Variants in SAFB2 observed in about 807,000 individuals in gnomAD.
SAFB2 encodes the protein scaffold attachment factor B2.
In SAFB2, 32 loss-of-function variants were observed where a neutral mutation model predicts 100.6. The ratio of observed to expected loss-of-function variants is 0.32; its 90% CI spans 0.24 to 0.43. The LOEUF (loss-of-function observed/expected upper bound fraction) is 0.43, where lower values mean the gene tolerates loss of function less well. Ranked by LOEUF, SAFB2 falls within the 20% of genes least tolerant of loss-of-function variation. SAFB2 has a pLI of 1.00. For missense variants in SAFB2, 1,185 were observed against 1,163.4 expected (o/e 1.02, Z -0.27); for synonymous variants, 500 against 439.4 (o/e 1.14, Z -1.72).
intron 2 of SAFB2, among the ~76,000 whole-genome samples, chr19:5,617,746 A>G (rs2053062766): frequency 6.6e-6 from 1 of 152,144 alleles, no homozygotes. Flanking sequence ...TTCGGCCCAA[A>G]TTGTCAACAG....
chr19:5,601,711 AAAATAAATAAAT>A (rs10647558), intron 11 of SAFB2, among the ~76,000 whole-genome samples: 13 of 144,748 alleles, frequency 9.0e-5, no homozygotes, highest in Admixed American at 2.1e-4. Context: ...ACTCCATCTC[AAAATAAATAAAT>A]AAATAAATAA....
intron 2 of SAFB2, among the ~76,000 whole-genome samples, chr19:5,620,823 G>A (rs2053124752): frequency 6.6e-6 from 1 of 152,196 alleles, no homozygotes. Context: ...TTAACGGTCT[G>A]TGAATTAAAC....
intron 13 of SAFB2, among the ~76,000 whole-genome samples, chr19:5,596,369 T>C (rs1010716364): frequency 1.3e-5 from 2 of 152,246 alleles, no homozygotes; most frequent in African/African-American, 4.8e-5. Flanking sequence ...TGTAGGTTTT[T>C]TGGGTTTGAG....
rs376341022 is a variant in SAFB2, at chr19:5,604,768, T to C, written c.1446+19A>G. On this transcript the variant is annotated intron_variant, in intron 10 of 20. Transcript: ENST00000252542. ...TGCAAACTCCATTTGCGAGTTACCA[T>C]AGACGAGAACTGCCTCACCTTCTCT... 40 of 1,613,840 alleles carry C rather than the reference T, an allele frequency of 2.5e-5. No individual in the cohort carries two copies. The African/African-American group carries it at 2.8e-4, about 11-fold the overall frequency.
Position 5,598,858 on chromosome 19 carries a change from C to T in SAFB2, c.1717G>A (p.Val573Met), listed in dbSNP as rs562526033. The change falls in exon 13 of 21, where the codon GTG becomes ATG. Residue 573 changes from valine (V) to methionine (M), a missense_variant. Val to Met is a conservative substitution (Grantham distance 21). Transcript: ENST00000252542. ...SGSRGMERTV[V>M]MDKSKGEPVI... ...GGCTCTCCTTTCGATTTATCCATCACGACCGTCCGCTCCATTCCTCTGCTT... is the reference window on the plus strand; with the variant it reads ...GGCTCTCCTTTCGATTTATCCATCATGACCGTCCGCTCCATTCCTCTGCTT... 7.2e-5 allele frequency: 117 copies of T among 1,613,970 alleles called. No homozygotes were observed. Among genetic ancestry groups the T allele is most frequent in the Non-Finnish European group, 8.1e-5 (95 of 1,180,028 alleles).
chr19:5,591,733 C>T lies in SAFB2; in HGVS notation c.2394+15G>A, dbSNP rs773000697. On this transcript the variant is annotated intron_variant, in intron 17 of 20. Transcript: ENST00000252542. ...GTACAGTGGCCCCAGGGCTTGGCAT[C>T]GGGGCTCTACTCACCTGCCCATCCC... 59 of 1,612,388 alleles carry T rather than the reference C, an allele frequency of 3.7e-5. No homozygotes were observed. Among genetic ancestry groups the T allele is most frequent in the Non-Finnish European group, 4.6e-5 (54 of 1,178,722 alleles).
In SAFB2 at chr19:5,591,811, C is replaced by T; in HGVS notation, c.2349-18G>A. On this transcript the variant is annotated intron_variant, in intron 16 of 20. Coordinates refer to ENST00000252542, the MANE Select transcript of SAFB2 (RefSeq NM_014649.3). ...CCTCCCGCCTGCAAAAGGAAAAGAT[C>T]CCGTTCAAACAGCACCAGGCACGAC... 6.2e-7 allele frequency: 1 copy of T among 1,613,908 alleles called. No homozygotes were observed. Among genetic ancestry groups the T allele is most frequent in the Non-Finnish European group, 8.5e-7 (1 of 1,179,838 alleles).
intron 2 of SAFB2, among the ~76,000 whole-genome samples, chr19:5,618,101 C>T (rs2053070030): frequency 6.6e-6 from 1 of 152,182 alleles, no homozygotes; most frequent in Non-Finnish European, 1.5e-5. Flanking sequence ...CATGCCACTG[C>T]CCTCCGCTCT....
intron 4 of SAFB2, among the ~76,000 whole-genome samples, chr19:5,615,167 A>T (rs1208981921): frequency 6.6e-6 from 1 of 152,150 alleles, no homozygotes; most frequent in African/African-American, 2.4e-5. Flanking sequence ...ATCATGGCCA[A>T]CATGGTGAAA....
At chr19:5,609,829 C>G (rs1260586390) in intron 9 of SAFB2, among the ~76,000 whole-genome samples, 166 bp downstream of exon 9, 1 of 152,144 alleles carries the variant, frequency 6.6e-6, no homozygotes, top group African/African-American at 2.4e-5. Flanking sequence ...GTAAACACAA[C>G]ATCTTGCTAT....
rs1216635452 is a variant in SAFB2 at position 5,616,354 on chromosome 19, A to G, written c.340-19T>C. On this transcript the variant is annotated intron_variant, in intron 3 of 20. Transcript: ENST00000252542. ...TGTCCTCCTGTAAAGAGGAAGAAGA[A>G]TCGTTAACGACCACCTGGACCAGGA... The G allele has an allele frequency of 1.2e-6, 2 of 1,613,946 alleles. No individual in the cohort carries two copies. Among genetic ancestry groups the G allele is most frequent in the African/African-American group, 1.3e-5 (1 of 74,892 alleles).
At chr19:5,618,477 G>T (rs758785134) in intron 2 of SAFB2, among the ~76,000 whole-genome samples, 5 of 152,170 alleles carry the variant, frequency 3.3e-5, no homozygotes, top group Non-Finnish European at 5.9e-5. Flanking sequence ...TGCATGTCTC[G>T]CAACGTGAGC....
chr19:5,616,343 G>A lies in SAFB2; in HGVS notation c.340-8C>T, dbSNP rs2053029921. ...ACTTGCTTCCATGTCCTCCTGTAAA[G>A]AGGAAGAAGAATCGTTAACGACCAC... On this transcript the variant is annotated splice_polypyrimidine_tract_variant and splice_region_variant and intron_variant, in intron 3 of 20. Transcript: ENST00000252542. 2 of 1,614,112 alleles carry A rather than the reference G, an allele frequency of 1.2e-6. No individual in the cohort carries two copies. Among genetic ancestry groups the A allele is most frequent in the African/African-American group, 1.3e-5 (1 of 75,024 alleles).
chr19:5,587,111 C>A lies in SAFB2; in HGVS notation c.*132G>T. On this transcript the variant is annotated 3_prime_UTR_variant, in exon 21 of 21. Coordinates refer to ENST00000252542, the MANE Select transcript of SAFB2 (RefSeq NM_014649.3). This position sits in a 1 kb window ranked among gnomAD's most constrained non-coding sequence, Gnocchi z 4.9. ...TTTAAAAAAAAAAAAAAAGTGAGTTCACATTGTATTGAGCTACAACATGGT... is the reference window on the plus strand; with the variant it reads ...TTTAAAAAAAAAAAAAAAGTGAGTTAACATTGTATTGAGCTACAACATGGT... 7.2e-6 allele frequency: 8 copies of A among 1,115,564 alleles called. No homozygotes were observed. The highest frequency in any genetic ancestry group is 1.9e-5 in the South Asian group (1 of 51,750). 69.1% of individuals were successfully genotyped at this position (1,115,564 alleles called of 1,614,324 possible).
In SAFB2 at chr19:5,622,555, C is replaced by T. The variant is rs1393160059; in HGVS notation, c.161G>A (p.Ser54Asn). Residue 54 changes from serine (S) to asparagine (N), a missense_variant, in exon 1 of 21, where the codon AGC becomes AAC. By Grantham distance (46) the Ser-to-Asn change is conservative (BLOSUM62 1). Transcript: ENST00000252542. ...CTTCTTGAGCCGCTCCATCAGGACG[C>T]TCTTGTTGCCGCCCGTGTCCAGGTT... is the stretch of plus-strand genomic sequence containing the variant. ...KRNLDTGGNK[S>N]VLMERLKKAV... The T allele has an allele frequency of 1.9e-6, 3 of 1,613,326 alleles. No individual in the cohort carries two copies. In the African/African-American group the frequency reaches 4.0e-5, roughly 21 times the overall value.
chr19:5,617,720 C>G (rs2053062072), intron 2 of SAFB2, among the ~76,000 whole-genome samples: 1 of 152,170 alleles, frequency 6.6e-6, no homozygotes, highest in Non-Finnish European at 1.5e-5. Flanking sequence ...GGATACTCCC[C>G]AACCCCAGAG....
intron 9 of SAFB2, among the ~76,000 whole-genome samples, chr19:5,607,646 G>A (rs1288981514): frequency 1.3e-5 from 2 of 152,198 alleles, no homozygotes; most frequent in Non-Finnish European, 2.9e-5. Context: ...TAGAGAACAA[G>A]ACAGTAGATC....
At chr19:5,607,255 C>T (rs946401666) in intron 9 of SAFB2, among the ~76,000 whole-genome samples, 18 of 151,898 alleles carry the variant, frequency 1.2e-4, no homozygotes, top group Non-Finnish European at 2.5e-4. Context: ...AGCGAGACTC[C>T]GTCTCAAAAA....
chr19:5,621,145 T>G (rs534510415), intron 2 of SAFB2, among the ~76,000 whole-genome samples, 164 bp downstream of exon 2: 4 of 152,308 alleles, frequency 2.6e-5, no homozygotes, highest in African/African-American at 9.6e-5. Flanking sequence ...CCTGTGCCCT[T>G]GACAGAGCTA....
Sources: allele counts gnomAD v4.1 joint callset (sites outside exome capture counted in the v4.1 genomes callset), GRCh38; gene constraint gnomAD v4.1.1; non-coding constraint Gnocchi (gnomAD v3.1); transcripts MANE v1.5; gene names NCBI Gene and HGNC (gene_info 2026-07-23, HGNC 2026-07-21).